The following HOXB3 variants were observed in gnomAD, a reference collection of about 807,000 sequenced individuals.
HOXB3 encodes the protein homeobox protein Hox-B3.
HOXB3 carries 17 observed loss-of-function variants against 29.2 expected under a neutral mutation model. The observed-to-expected ratio is 0.58, with a 90% confidence interval of 0.40 to 0.87. The LOEUF (loss-of-function observed/expected upper bound fraction) is 0.87. HOXB3 is among the 40% of genes least tolerant of loss of function. The probability of loss-of-function intolerance (pLI) is 0.00; values close to 1 mark genes in which losing one functional copy is unlikely to be tolerated. For missense variants in HOXB3, 637 were observed against 616.3 expected (o/e 1.03, Z -0.35); for synonymous variants, 317 against 285.9 (o/e 1.11, Z -1.10).
intron 2 of HOXB3, among the ~76,000 whole-genome samples, chr17:48,564,489 G>C (rs2069320289): frequency 6.6e-6 from 1 of 152,282 alleles, no homozygotes; most frequent in South Asian, 2.1e-4. Flanking sequence ...CGCGGATCTG[G>C]CACTCCGGGC....
At position 48,554,611 on chromosome 17, in the gene HOXB3, C is replaced by T. The variant is rs1332637011; in HGVS notation, c.-159+920G>A. ...CGGTCGCTGCTGCCGCGGCGACTGG[C>T]GACAAGCTACCAGCCACCTACGATG... On this transcript the variant is annotated intron_variant, in intron 3 of 4. Transcript: ENST00000498678. The surrounding 1 kb of genome is among the most constrained non-coding windows in gnomAD (Gnocchi z 4.1). 4 of 701,188 alleles carry T rather than the reference C, an allele frequency of 5.7e-6. No homozygotes were observed. Among genetic ancestry groups the T allele is most frequent in the Admixed American group, 2.0e-5 (1 of 49,976 alleles). 43.4% of individuals were successfully genotyped at this position (701,188 alleles called of 1,614,324 possible).
At chr17:48,563,908 A>G (rs190238782) in intron 2 of HOXB3, among the ~76,000 whole-genome samples, 74 of 151,226 alleles carry the variant, frequency 4.9e-4, no homozygotes, top group Non-Finnish European at 7.8e-4. Flanking sequence ...ACAGCCCCCA[A>G]CTGCCCTGGA....
In HOXB3 at chr17:48,551,157, C is replaced by T; in HGVS notation, c.473G>A (p.Gly158Asp). The change falls in exon 5 of 5, where the codon GGT becomes GAT. Residue 158 changes from glycine (G) to aspartate (D), a missense_variant. Gly to Asp is a moderately conservative substitution (Grantham distance 94). Transcript: ENST00000498678. Reference protein sequence around the residue: ...GTAEGCGGGGGGGGGGGSGGS... With the variant: ...GTAEGCGGGGDGGGGGGSGGS... ...ACCACTGCCTCCGCCGCCGCCGCCA[C>T]CGCCGCCGCCACCACAGCCCTCTGC... 7.7e-7 allele frequency: 1 copy of T among 1,302,640 alleles called. No individual in the cohort carries two copies. The highest frequency in any genetic ancestry group is 9.7e-7 in the Non-Finnish European group (1 of 1,027,012). 80.7% of individuals were successfully genotyped at this position (1,302,640 alleles called of 1,614,324 possible).
chr17:48,574,161 A>T (rs569661454), intron 1 of HOXB3, 147 bp from the exon 2 acceptor site: 74 of 360,844 alleles, frequency 2.1e-4, no homozygotes, highest in South Asian at 3.2e-4. Context: ...TTTTTTTTTT[A>T]AATTCTATTC....
intron 4 of HOXB3, 77 bp downstream of exon 4, chr17:48,551,950 G>C (rs62066694): frequency 3.2e-4 from 454 of 1,416,842 alleles, no homozygotes; most frequent in Middle Eastern, 1.7e-3. Context: ...CGGGCGCCTA[G>C]GGGCTGGGTG....
intron 1 of HOXB3, among the ~76,000 whole-genome samples, chr17:48,588,426 G>A (rs889501545): frequency 1.3e-5 from 2 of 152,222 alleles, no homozygotes; most frequent in African/African-American, 4.8e-5. Context: ...TTTTTCAGGA[G>A]CAGGCCTTAC....
chr17:48,552,506 C>CT lies in HOXB3; in HGVS notation c.-33dup, dbSNP rs1232101315. 1.3e-6 allele frequency: 2 copies of CT among 1,520,826 alleles called. No homozygotes were observed. The highest frequency in any genetic ancestry group is 1.8e-6 in the Non-Finnish European group (2 of 1,125,446). 94.2% of individuals were successfully genotyped at this position (1,520,826 alleles called of 1,614,324 possible). ...GTGAGGCCTGGGCAGTGGGTGGCAA[C>CT]TTGGAAAGGCCTGATACCCTCAGGA... On this transcript the variant is annotated 5_prime_UTR_variant, in exon 4 of 5. Coordinates refer to ENST00000498678, the MANE Select transcript of HOXB3 (RefSeq NM_001384749.1).
chr17:48,579,711 C>A, intron 1 of HOXB3: 1 of 253,900 alleles, frequency 3.9e-6, no homozygotes, highest in Non-Finnish European at 8.0e-6. Flanking sequence ...CATCTCTAAC[C>A]AGTTGAAGGA....
At chr17:48,571,996 C>G (rs1419674340) in intron 2 of HOXB3, among the ~76,000 whole-genome samples, 2 of 152,208 alleles carry the variant, frequency 1.3e-5, no homozygotes, top group African/African-American at 4.8e-5. Flanking sequence ...CTGTCTGTAT[C>G]TGTCTCTCTT....
rs1335156680 is a variant in HOXB3 at position 48,551,128 on chromosome 17, T to C, written c.502A>G (p.Ser168Gly). 3.0e-6 allele frequency: 4 copies of C among 1,325,544 alleles called. No homozygotes were observed. Among genetic ancestry groups the C allele is most frequent in the Non-Finnish European group, 2.9e-6 (3 of 1,038,272 alleles). 82.1% of individuals were successfully genotyped at this position (1,325,544 alleles called of 1,614,324 possible). The change falls in exon 5 of 5, where the codon AGC becomes GGC. Residue 168 changes from serine to glycine, a missense_variant. Coordinates refer to ENST00000498678, the MANE Select transcript of HOXB3 (RefSeq NM_001384749.1). Reference protein sequence around the residue: ...GGGGGGGSGGSGGGGGGGGGG... With the variant: ...GGGGGGGSGGGGGGGGGGGGG... ...CCGCCGCCGCCGCCACCGCCCCCGC[T>C]GCCACCACTGCCTCCGCCGCCGCCG...
intron 2 of HOXB3, among the ~76,000 whole-genome samples, chr17:48,558,153 C>T (rs1454744990): frequency 3.9e-5 from 6 of 152,248 alleles, no homozygotes; most frequent in Admixed American, 6.5e-5. Context: ...AGAACCTGAT[C>T]GCTTTTGGGA....
rs752051908 is a variant in HOXB3 at position 48,551,153 on chromosome 17, GCCACCGCCGCCGCCA to G, written c.462_476del (p.Gly160_Gly164del). 1.1e-5 allele frequency: 14 copies of G among 1,280,442 alleles called. 1 individual carries two copies. Among genetic ancestry groups the G allele is most frequent in the East Asian group, 3.1e-5 (1 of 32,094 alleles). The allele number at this position is 1,280,442 out of a possible 1,614,324, so 79.3% of individuals were successfully genotyped here. On this transcript the variant is annotated inframe_deletion, in exon 5 of 5. Coordinates refer to ENST00000498678, the MANE Select transcript of HOXB3 (RefSeq NM_001384749.1). ...TGCCACCACTGCCTCCGCCGCCGCC[GCCACCGCCGCCGCCA>G]CCACAGCCCTCTGCTGGATCCGAGG...
chr17:48,560,531 C>T (rs1164391167), intron 2 of HOXB3, among the ~76,000 whole-genome samples: 1 of 152,126 alleles, frequency 6.6e-6, no homozygotes, highest in African/African-American at 2.4e-5. Flanking sequence ...TTCTTCCCTC[C>T]TTCCCCGGAA....
intron 1 of HOXB3, chr17:48,576,708 C>A (rs750575261): frequency 6.3e-7 from 1 of 1,580,326 alleles, no homozygotes; most frequent in Non-Finnish European, 8.6e-7. Flanking sequence ...TCGTGGCTCC[C>A]GCGTGCGGGG....
At chr17:48,577,950 G>C in intron 1 of HOXB3, 3 of 1,325,726 alleles carry the variant, frequency 2.3e-6, no homozygotes, top group Non-Finnish European at 2.9e-6. Context: ...AGGGGGTTCT[G>C]GGCGCAGGGA....
intron 1 of HOXB3, chr17:48,582,074 G>T (rs1215095373): frequency 6.6e-6 from 1 of 152,318 alleles, no homozygotes; most frequent in Admixed American, 6.5e-5. Flanking sequence ...GGCAGCCACA[G>T]GTTGCTAGCG....
chr17:48,574,026 T>C lies in HOXB3; in HGVS notation c.-424-12A>G, dbSNP rs1212385999. 6.5e-6 allele frequency: 4 copies of C among 620,026 alleles called. No homozygotes were observed. The highest frequency in any genetic ancestry group is 2.9e-5 in the Admixed American group (1 of 34,852). 38.4% of individuals were successfully genotyped at this position (620,026 alleles called of 1,614,324 possible). On this transcript the variant is annotated splice_polypyrimidine_tract_variant and intron_variant, in intron 1 of 4. Coordinates refer to ENST00000498678, the MANE Select transcript of HOXB3 (RefSeq NM_001384749.1). ...TCCAAGGAGATTTGCTGTTGAATAA[T>C]AACAAAGGAGAGAGGATACGTATTT...
chr17:48,550,447 TGGGCGCCATAGG>T lies in HOXB3; in HGVS notation c.1171_1182del (p.Pro391_Pro394del). On this transcript the variant is annotated inframe_deletion, in exon 5 of 5. Coordinates refer to ENST00000498678, the MANE Select transcript of HOXB3 (RefSeq NM_001384749.1). ...GGTTCGCAGGGTCCGTGGTGCTGGC[TGGGCGCCATAGG>T]GGGCGCCCCGTTGTAGTCCAGGTTC... is the stretch of plus-strand genomic sequence containing the variant. 6.2e-7 allele frequency: 1 copy of T among 1,613,632 alleles called. No individual in the cohort carries two copies. Among genetic ancestry groups the T allele is most frequent in the Non-Finnish European group, 8.5e-7 (1 of 1,179,926 alleles).
chr17:48,576,798 T>C, intron 1 of HOXB3: 1 of 1,614,222 alleles, frequency 6.2e-7, no homozygotes, highest in East Asian at 2.2e-5. Context: ...CGAGCGGATC[T>C]TGGTGTTGGG....
Sources: gnomAD v4.1 joint callset for allele counts (sites outside exome capture counted in the v4.1 genomes callset) on GRCh38, gnomAD v4.1.1 for gene constraint, Gnocchi (gnomAD v3.1) non-coding constraint, MANE v1.5 for transcripts, NCBI Gene and HGNC (gene_info 2026-07-23, HGNC 2026-07-21) for gene names.